The following ADGRG7 variants were observed in gnomAD, a reference collection of about 807,000 sequenced individuals.
ADGRG7 encodes the protein adhesion G protein-coupled receptor G7, also known as G-protein coupled receptor 128.
In ADGRG7, 82 loss-of-function variants were observed where a neutral mutation model predicts 88.6. The ratio of observed to expected loss-of-function variants is 0.93; its 90% CI spans 0.77 to 1.11. The LOEUF (loss-of-function observed/expected upper bound fraction) is 1.11. ADGRG7 is among the 50% of genes most tolerant of loss of function. The pLI is 0.00. For missense variants in ADGRG7, 945 were observed against 953.4 expected (o/e 0.99, Z 0.12); for synonymous variants, 381 against 345.2 (o/e 1.10, Z -1.15).
In ADGRG7 at chr3:100,609,865, C is replaced by T. The variant is rs945924186; in HGVS notation, c.9C>T (p.Ser3=). The T allele has an allele frequency of 3.1e-6, 5 of 1,613,660 alleles. No homozygotes were observed. The highest frequency in any genetic ancestry group is 4.2e-6 in the Non-Finnish European group (5 of 1,179,756). The change falls in exon 1 of 16, where the codon TCC becomes TCT. Residue 3 remains serine (S), a synonymous_variant. Coordinates refer to ENST00000273352, the MANE Select transcript of ADGRG7 (RefSeq NM_032787.3). ...TGTGGTTTGGCTTCACCATGGCTTC[C>T]TGCCGTGCCTGGAACCTTAGGGTGC... The part of the protein sequence containing the change: MA[S]CRAWNLRVLV...
intron 14 of ADGRG7, among the ~76,000 whole-genome samples, chr3:100,662,954 G>A (rs1211265424): frequency 6.6e-6 from 1 of 152,100 alleles, no homozygotes; most frequent in East Asian, 1.9e-4. Flanking sequence ...ACAAATGTTT[G>A]AGAACATTTT....
Position 100,668,998 on chromosome 3 carries a change from G to C in ADGRG7, c.2029G>C (p.Ala677Pro). The C allele has an allele frequency of 6.2e-7, 1 of 1,605,826 alleles. No homozygotes were observed. The highest frequency in any genetic ancestry group is 8.5e-7 in the Non-Finnish European group (1 of 1,176,686). The change falls in exon 15 of 16, where the codon GCA becomes CCA. Residue 677 changes from alanine (A) to proline (P), a missense_variant. Transcript: ENST00000273352. Reference sequence around the variant, plus strand: ...GAAGATTGTTAGCACATTATCTGTTGCAGTTGTTTTTGGAATTACCTGGAT... The same window carrying C: ...GAAGATTGTTAGCACATTATCTGTTCCAGTTGTTTTTGGAATTACCTGGAT... ...MKKIVSTLSV[A>P]VVFGITWILA...
intron 8 of ADGRG7, among the ~76,000 whole-genome samples, chr3:100,644,606 C>A (rs757078042): frequency 6.6e-6 from 1 of 151,968 alleles, no homozygotes; most frequent in Admixed American, 6.5e-5. Context: ...CGAATCACTG[C>A]AGCCTCAACC....
rs9872512 is a variant in ADGRG7, at chr3:100,694,874, G to C, written c.2267G>C (p.Arg756Pro). ...SLPSVTRPRL[R>P]VKMYNFLRSL... ...CCTTCAGTGACGCGGCCGAGGCTGC[G>C]TGTAAAGATGTATAATTTCCTCAGG... Residue 756 changes from arginine to proline, a missense_variant, in exon 16 of 16, where the codon CGT (arginine) becomes CCT (proline). Coordinates refer to ENST00000273352, the MANE Select transcript of ADGRG7 (RefSeq NM_032787.3). The C allele has an allele frequency of 1.9e-6, 3 of 1,614,042 alleles. No individual in the cohort carries two copies. The highest frequency in any genetic ancestry group is 1.7e-6 in the Non-Finnish European group (2 of 1,180,044).
chr3:100,643,175 T>G (rs1240199104), intron 6 of ADGRG7, 91 bp from the exon 7 acceptor site: 2 of 1,130,420 alleles, frequency 1.8e-6, no homozygotes, highest in African/African-American at 3.1e-5. Context: ...AATTCTATGC[T>G]CATGTCTTTC....
rs1344594587 is a variant in ADGRG7 at position 100,659,456 on chromosome 3, AAAAAAAAAG to A, written c.1824-231_1824-223del. On this transcript the variant is annotated intron_variant, in intron 13 of 15. Transcript: ENST00000273352. ...CTCAGTCTCAAAAAAAAAAAAAAAA[AAAAAAAAAG>A]GCCCATCAATAGGAGACAGTTTAAA... is the stretch of plus-strand genomic sequence containing the variant. 5.1e-5 allele frequency among the ~76,000 whole-genome samples: 7 copies of A among 137,690 alleles called. No homozygotes were observed. The East Asian group carries it at 1.4e-3, about 27-fold the overall frequency. The allele number at this position is 137,690 out of a possible 152,430, so 90.3% of individuals were successfully genotyped here. A position where few individuals can be genotyped will look rare whatever the true frequency, so the allele number is the denominator to read the frequency against.
intron 15 of ADGRG7, among the ~76,000 whole-genome samples, chr3:100,689,403 A>T (rs62274018): frequency 0.03 from 4,514 of 152,210 alleles, 88 homozygotes; most frequent in Non-Finnish European, 0.046. Flanking sequence ...GTTACGTGTG[A>T]ATTTGATCCT....
chr3:100,640,917 C>G (rs1390968197), intron 6 of ADGRG7, among the ~76,000 whole-genome samples: 1 of 152,198 alleles, frequency 6.6e-6, no homozygotes, highest in Non-Finnish European at 1.5e-5. Context: ...GTTTATCTGA[C>G]TTTGGGAATG....
chr3:100,685,709 A>AT (rs1372034313), intron 15 of ADGRG7, among the ~76,000 whole-genome samples: 1 of 152,106 alleles, frequency 6.6e-6, no homozygotes, highest in African/African-American at 2.4e-5. Context: ...TGAACTCATC[A>AT]TTTTTTACGG....
intron 10 of ADGRG7, among the ~76,000 whole-genome samples, chr3:100,647,497 A>T (rs1000329827): frequency 3.9e-5 from 6 of 152,286 alleles, no homozygotes; most frequent in Admixed American, 2.6e-4. Flanking sequence ...TATAAAAGAA[A>T]AACTCTGTAA....
intron 12 of ADGRG7, among the ~76,000 whole-genome samples, chr3:100,655,599 T>C (rs913257206): frequency 6.6e-6 from 1 of 152,182 alleles, no homozygotes; most frequent in Non-Finnish European, 1.5e-5. Flanking sequence ...GATATCTAAA[T>C]TTAAATGTAT....
At chr3:100,656,470 C>A (rs1014853006) in intron 13 of ADGRG7, among the ~76,000 whole-genome samples, 2 of 152,120 alleles carry the variant, frequency 1.3e-5, no homozygotes, top group Non-Finnish European at 2.9e-5. Flanking sequence ...ATGAATATTT[C>A]ATGATGATTT....
chr3:100,618,223 A>T (rs1204627220), intron 1 of ADGRG7, among the ~76,000 whole-genome samples: 1 of 152,130 alleles, frequency 6.6e-6, no homozygotes, highest in Admixed American at 6.5e-5. Context: ...TAGTTTAATT[A>T]GATCCCATTT....
chr3:100,638,401 C>G (rs1236197109), intron 6 of ADGRG7, among the ~76,000 whole-genome samples: 1 of 152,168 alleles, frequency 6.6e-6, no homozygotes, highest in African/African-American at 2.4e-5. Context: ...AGTCAGGTTG[C>G]CTCTCACTGT....
At chr3:100,684,407 G>A (rs937601249) in intron 15 of ADGRG7, among the ~76,000 whole-genome samples, 4 of 152,002 alleles carry the variant, frequency 2.6e-5, no homozygotes, top group South Asian at 2.1e-4. Flanking sequence ...GGGACTACAG[G>A]CACGTGGCAC....
intron 11 of ADGRG7, chr3:100,654,335 T>A (rs2149029070): frequency 6.6e-6 from 1 of 152,580 alleles, no homozygotes; most frequent in African/African-American, 2.4e-5. Context: ...AATATATTAA[T>A]ATCCTTTGAG....
chr3:100,663,799 A>G (rs554716247), intron 14 of ADGRG7, among the ~76,000 whole-genome samples: 11 of 152,124 alleles, frequency 7.2e-5, no homozygotes, highest in African/African-American at 2.6e-4. Flanking sequence ...TTAATGTTCA[A>G]TGGTTACTTA....
Position 100,646,689 on chromosome 3 carries a change from C to T in ADGRG7, c.1231C>T (p.Arg411Cys), listed in dbSNP as rs115472303. ...DKGTDGFLRC[R>C]CNHTTNFAVL... is the part of the protein sequence containing the mutation. Reference sequence around the variant, plus strand: ...GGGCACTGATGGATTCCTGCGCTGCCGCTGCAACCATACTACTAATTTTGC... The same window carrying T: ...GGGCACTGATGGATTCCTGCGCTGCTGCTGCAACCATACTACTAATTTTGC... The change falls in exon 10 of 16, where the codon CGC (arginine) becomes TGC (cysteine). Residue 411 changes from arginine (R) to cysteine (C), a missense_variant. By Grantham distance (180) the Arg-to-Cys change is radical (BLOSUM62 -3). Transcript: ENST00000273352. 223 of 1,614,078 alleles carry T rather than the reference C, an allele frequency of 1.4e-4. No individual in the cohort carries two copies. In the African/African-American group the frequency reaches 2.2e-3, roughly 16 times the overall value.
intron 14 of ADGRG7, among the ~76,000 whole-genome samples, chr3:100,666,120 C>T (rs1420510275): frequency 2.7e-5 from 4 of 150,722 alleles, no homozygotes; most frequent in African/African-American, 4.9e-5. Context: ...GGCGTGATCT[C>T]GGCCACTGCA....
Sources: allele counts gnomAD v4.1 joint callset (sites outside exome capture counted in the v4.1 genomes callset), GRCh38; gene constraint gnomAD v4.1.1; transcripts MANE v1.5; gene names NCBI Gene and HGNC (gene_info 2026-07-23, HGNC 2026-07-21).